PMM2: variants seen among roughly 807,000 people sequenced by gnomAD.
PMM2 encodes the protein phosphomannomutase 2, also known as mannose-6-phosphate isomerase.
Under a neutral mutation model 33.2 loss-of-function variants are expected in PMM2, and 35 were observed. The ratio of observed to expected loss-of-function variants is 1.06; its 90% CI spans 0.81 to 1.40. The LOEUF (loss-of-function observed/expected upper bound fraction) is 1.40. PMM2 is among the 40% of genes most tolerant of loss of function. The probability of loss-of-function intolerance (pLI) is 0.00; values close to 1 mark genes in which losing one functional copy is unlikely to be tolerated. For missense variants in PMM2, 386 were observed against 306.0 expected, an observed-to-expected ratio of 1.26 and a Z score of -1.95; for synonymous variants, 153 against 114.7, an observed-to-expected ratio of 1.33 and a Z score of -2.13.
At chr16:8,804,036 T>G (rs1165984736) in intron 2 of PMM2, among the ~76,000 whole-genome samples, 29 of 121,304 alleles carry the variant, frequency 2.4e-4, no homozygotes, top group Non-Finnish European at 3.4e-4. Flanking sequence ...TTTTTGTTTT[T>G]TTTTTTTTTT....
intron 2 of PMM2, among the ~76,000 whole-genome samples, chr16:8,802,872 A>G (rs12447619): frequency 0.048 from 7,323 of 151,552 alleles, 263 homozygotes; most frequent in Middle Eastern, 0.14. Flanking sequence ...GGATGAATTG[A>G]TTGTTCTTTT....
chr16:8,831,998 A>T, intron 7 of PMM2: 1 of 306,080 alleles, frequency 3.3e-6, no homozygotes, highest in Non-Finnish European at 4.8e-6. Context: ...AACTAGAATC[A>T]AGTAACCTTT....
intron 7 of PMM2, among the ~76,000 whole-genome samples, chr16:8,844,436 C>T (rs541939220): frequency 2.0e-5 from 3 of 151,954 alleles, no homozygotes; most frequent in Non-Finnish European, 4.4e-5. Flanking sequence ...ACTTGCCTCT[C>T]CCCCAGAAAA....
intron 7 of PMM2, among the ~76,000 whole-genome samples, chr16:8,814,388 C>G (rs28595449): frequency 0.23 from 34,824 of 152,052 alleles, 4,338 homozygotes; most frequent in South Asian, 0.33. Flanking sequence ...GTCAGGCTTT[C>G]TCGCCATCCT....
chr16:8,811,666 C>T lies in PMM2; in HGVS notation c.476C>T (p.Ala159Val), dbSNP rs752339918. ...KKENIRQKFVADLRKEFAGKG... is the reference protein window; with the variant it reads ...KKENIRQKFVVDLRKEFAGKG... The stretch of plus-strand genomic sequence containing the variant: ...GAAAATATAAGACAAAAGTTTGTAG[C>T]AGATCTACGGAAAGAGTTTGCTGGA... Residue 159 changes from alanine (A) to valine (V), a missense_variant, in exon 6 of 8, where the codon GCA (alanine) becomes GTA (valine). Coordinates refer to ENST00000268261, the MANE Select transcript of PMM2 (RefSeq NM_000303.3). 6.2e-7 allele frequency: 1 copy of T among 1,612,632 alleles called. No homozygotes were observed. Among genetic ancestry groups the T allele is most frequent in the East Asian group, 2.2e-5 (1 of 44,876 alleles).
At chr16:8,803,053 A>C (rs2060625150) in intron 2 of PMM2, among the ~76,000 whole-genome samples, 2 of 152,154 alleles carry the variant, frequency 1.3e-5, no homozygotes, top group African/African-American at 4.8e-5. Flanking sequence ...CTAGATGCCC[A>C]CAGCATACAC....
chr16:8,818,551 G>C (rs774190098), intron 7 of PMM2, among the ~76,000 whole-genome samples: 1 of 152,236 alleles, frequency 6.6e-6, no homozygotes, highest in Non-Finnish European at 1.5e-5. Flanking sequence ...TTTTGCCGGC[G>C]TCCAGGGAAG....
intron 7 of PMM2, among the ~76,000 whole-genome samples, chr16:8,839,090 C>G (rs373231576): frequency 6.6e-6 from 1 of 151,672 alleles, no homozygotes; most frequent in African/African-American, 2.4e-5. Context: ...ATTCCAGTAC[C>G]GAGAGCAATA....
At chr16:8,813,959 C>A (rs867969498) in intron 7 of PMM2, among the ~76,000 whole-genome samples, 9 of 147,716 alleles carry the variant, frequency 6.1e-5, no homozygotes, top group Admixed American at 4.8e-4. Flanking sequence ...CTCTGCCTCC[C>A]AGGTTCAAGC....
rs1044623287 is a variant in PMM2 at position 8,815,958 on chromosome 16, C to CA, written c.639+2863dup. 8.7e-3 allele frequency among the ~76,000 whole-genome samples: 1,190 copies of CA among 136,744 alleles called. 13 individuals are homozygous for CA. Among genetic ancestry groups the CA allele is most frequent in the African/African-American group, 0.028 (1,046 of 37,376 alleles). The allele number at this position is 136,744 out of a possible 152,430, so 89.7% of individuals were successfully genotyped here. On this transcript the variant is annotated intron_variant, in intron 7 of 7. Transcript: ENST00000268261. ...ATAAGAAACTCCAACAACTCAATGG[C>CA]AAAAAAAAAAACAATTTAAAACATG...
intron 7 of PMM2, among the ~76,000 whole-genome samples, chr16:8,825,756 ATT>A (rs35928064): frequency 7.5e-6 from 1 of 134,178 alleles, no homozygotes; most frequent in Non-Finnish European, 1.6e-5. Flanking sequence ...ATAAAACACT[ATT>A]TTTTTTTTTT....
intron 4 of PMM2, chr16:8,807,456 C>T (rs1046639489): frequency 2.0e-5 from 3 of 150,738 alleles, no homozygotes; most frequent in African/African-American, 7.3e-5. Flanking sequence ...GACTGCTTCT[C>T]TCATTTTCTG....
intron 7 of PMM2, among the ~76,000 whole-genome samples, chr16:8,828,025 CTTTT>C (rs71153002): frequency 7.5e-5 from 5 of 66,622 alleles, no homozygotes; most frequent in African/African-American, 1.8e-4. Context: ...CTGTAGAACT[CTTTT>C]TTTTTTTTTT....
intron 2 of PMM2, among the ~76,000 whole-genome samples, chr16:8,803,792 G>A (rs1051259504): frequency 2.0e-5 from 3 of 147,642 alleles, no homozygotes; most frequent in African/African-American, 5.0e-5. Flanking sequence ...CAAGTGATTC[G>A]TGTGCCTCAG....
intron 7 of PMM2, among the ~76,000 whole-genome samples, chr16:8,835,149 G>C (rs55864114): frequency 0.28 from 37,047 of 133,290 alleles, 1,895 homozygotes; most frequent in Middle Eastern, 0.33. Flanking sequence ...AAAACAGTAA[G>C]GTCAAGTTGT....
At chr16:8,825,317 C>A (rs2060760516) in intron 7 of PMM2, among the ~76,000 whole-genome samples, 1 of 151,914 alleles carries the variant, frequency 6.6e-6, no homozygotes, top group Admixed American at 6.6e-5. Context: ...AGGCATGAGC[C>A]ACTGTGCCCG....
chr16:8,823,497 G>A (rs1396800699), intron 7 of PMM2, among the ~76,000 whole-genome samples: 1 of 152,138 alleles, frequency 6.6e-6, no homozygotes, highest in Non-Finnish European at 1.5e-5. Context: ...ACAAACCGTA[G>A]TAGGACAAGT....
intron 6 of PMM2, among the ~76,000 whole-genome samples, chr16:8,811,977 CCT>C (rs1283404440): frequency 6.6e-6 from 1 of 152,216 alleles, no homozygotes; most frequent in Non-Finnish European, 1.5e-5. Flanking sequence ...TACCTGGACT[CCT>C]CTCATCAAAA....
chr16:8,813,078 T>C lies in PMM2; in HGVS notation c.611T>C (p.Ile204Thr). ...GTGGAAAATGACGGTTATAAGACCA[T>C]TTATTTCTTTGGAGACAAAACTATG... ...RHVENDGYKTIYFFGDKTMPG... is the reference protein window; with the variant it reads ...RHVENDGYKTTYFFGDKTMPG... The change falls in exon 7 of 8, where the codon ATT becomes ACT. Residue 204 changes from isoleucine to threonine, a missense_variant. Coordinates refer to ENST00000268261, the MANE Select transcript of PMM2 (RefSeq NM_000303.3). 1 of 1,608,714 alleles carries C rather than the reference T, an allele frequency of 6.2e-7. No homozygotes were observed. Among genetic ancestry groups the C allele is most frequent in the East Asian group, 2.2e-5 (1 of 44,856 alleles).
Sources: gnomAD v4.1 joint callset for allele counts (sites outside exome capture counted in the v4.1 genomes callset) on GRCh38, gnomAD v4.1.1 for gene constraint, MANE v1.5 for transcripts, NCBI Gene and HGNC (gene_info 2026-07-23, HGNC 2026-07-21) for gene names.